COL19A1: variants seen among roughly 807,000 people sequenced by gnomAD.
The protein encoded by COL19A1 is collagen alpha-1(XIX) chain.
In COL19A1, 159 loss-of-function variants were observed where a neutral mutation model predicts 190.2. That is an observed-to-expected ratio of 0.84 (90% CI 0.73 to 0.95). COL19A1 has a LOEUF of 0.95. Ranked by LOEUF, COL19A1 falls within the 40% of genes least tolerant of loss-of-function variation. The pLI is 0.00. For synonymous variants in COL19A1, 509 were observed against 458.9 expected, an observed-to-expected ratio of 1.11 and a Z score of -1.39; for missense variants, 1,418 against 1,431.9, an observed-to-expected ratio of 0.99 and a Z score of 0.16.
At chr6:70,053,839 A>C (rs1780347214) in intron 14 of COL19A1, among the ~76,000 whole-genome samples, 1 of 152,184 alleles carries the variant, frequency 6.6e-6, no homozygotes, top group African/African-American at 2.4e-5. Flanking sequence ...TATTTAGTGC[A>C]TGTATTACCA....
chr6:70,153,453 T>C (rs1345249523), intron 31 of COL19A1, among the ~76,000 whole-genome samples: 1 of 152,144 alleles, frequency 6.6e-6, no homozygotes, highest in Non-Finnish European at 1.5e-5. Context: ...CATGAGAAAA[T>C]CTTAAGACAT....
intron 48 of COL19A1, among the ~76,000 whole-genome samples, chr6:70,195,164 A>ATAT (rs1583143535): frequency 8.9e-6 from 1 of 112,806 alleles, no homozygotes; most frequent in Non-Finnish European, 2.0e-5. Flanking sequence ...TATATATATA[A>ATAT]AGAGTTAAAA....
chr6:69,949,738 C>T (rs1774017110), intron 9 of COL19A1, among the ~76,000 whole-genome samples: 2 of 151,804 alleles, frequency 1.3e-5, no homozygotes, highest in Non-Finnish European at 2.9e-5. Flanking sequence ...GTAACTTATC[C>T]AGCATCCCCT....
At chr6:69,895,972 A>T (rs1223336146) in intron 2 of COL19A1, among the ~76,000 whole-genome samples, 1 of 151,782 alleles carries the variant, frequency 6.6e-6, no homozygotes, top group Non-Finnish European at 1.5e-5. Context: ...ATTTTTTGGT[A>T]CTCCTTTCTC....
intron 2 of COL19A1, among the ~76,000 whole-genome samples, chr6:69,883,993 A>G (rs957024582): frequency 2.0e-5 from 3 of 152,208 alleles, no homozygotes; most frequent in Non-Finnish European, 4.4e-5. Context: ...CAACATACCT[A>G]TGATTAATAC....
chr6:70,040,354 T>C (rs950942807), intron 14 of COL19A1, among the ~76,000 whole-genome samples: 24 of 152,196 alleles, frequency 1.6e-4, no homozygotes, highest in Non-Finnish European at 3.4e-4. Flanking sequence ...AAACACAGAC[T>C]GGAGTCCTAG....
chr6:69,932,664 A>C, intron 6 of COL19A1, 119 bp from the exon 7 acceptor site: 1 of 593,714 alleles, frequency 1.7e-6, no homozygotes, highest in Non-Finnish European at 3.0e-6. Flanking sequence ...TAAAATATCC[A>C]CCAGTAATTT....
intron 14 of COL19A1, among the ~76,000 whole-genome samples, 177 bp downstream of exon 14, chr6:70,036,116 A>G (rs1779340499): frequency 1.3e-5 from 2 of 152,238 alleles, no homozygotes; most frequent in African/African-American, 4.8e-5. Flanking sequence ...CAACAGTGAA[A>G]TATCTGACCC....
At chr6:69,881,304 AC>A (rs1254360473) in intron 2 of COL19A1, among the ~76,000 whole-genome samples, 1 of 151,784 alleles carries the variant, frequency 6.6e-6, no homozygotes, top group Non-Finnish European at 1.5e-5. Flanking sequence ...CATTTTATGC[AC>A]CATTTTATGC....
At position 70,211,600 on chromosome 6, in the gene COL19A1, T is replaced by C. The variant is rs915571299; in HGVS notation, c.*4326T>C. ...ATTCAAAGTGACTTAGTCCATTGAA[T>C]TGTGTTCATTTATTAGTTGGCTGGT... is the stretch of plus-strand genomic sequence containing the variant. On this transcript the variant is annotated 3_prime_UTR_variant, in exon 51 of 51. Coordinates refer to ENST00000620364, the MANE Select transcript of COL19A1 (RefSeq NM_001858.6). Among the ~76,000 whole-genome samples, 2 of 150,336 alleles carry C rather than the reference T, an allele frequency of 1.3e-5. No individual in the cohort carries two copies. Among genetic ancestry groups the C allele is most frequent in the Non-Finnish European group, 3.0e-5 (2 of 67,734 alleles).
intron 36 of COL19A1, among the ~76,000 whole-genome samples, chr6:70,164,562 CT>C: frequency 6.6e-6 from 1 of 152,244 alleles, no homozygotes; most frequent in East Asian, 1.9e-4. Context: ...CCCCACTAGC[CT>C]TTTTTCTCTG....
chr6:70,180,478 T>C lies in COL19A1; in HGVS notation c.2730T>C (p.Val910=), dbSNP rs1264514379. ...GTTTATAGGGTGAGAGAGGACCTGT[T>C]GGAGATATAGGTTTCCCTGGACCAG... ...VPGEPGERGP[V]GDIGFPGPEG... The change falls in exon 44 of 51, where the codon GTT becomes GTC. Residue 910 remains valine, a synonymous_variant. Transcript: ENST00000620364. 1 of 1,614,032 alleles carries C rather than the reference T, an allele frequency of 6.2e-7. No homozygotes were observed. The highest frequency in any genetic ancestry group is 8.5e-7 in the Non-Finnish European group (1 of 1,180,006).
intron 16 of COL19A1, among the ~76,000 whole-genome samples, chr6:70,107,966 A>G (rs973821774): frequency 2.0e-5 from 3 of 152,200 alleles, no homozygotes; most frequent in African/African-American, 7.2e-5. Context: ...TCTGAGTAGC[A>G]TAAGCAGTGG....
At chr6:70,160,813 T>C (rs1787747841) in intron 34 of COL19A1, among the ~76,000 whole-genome samples, 1 of 152,164 alleles carries the variant, frequency 6.6e-6, no homozygotes, top group Non-Finnish European at 1.5e-5. Context: ...TTCCCATCTT[T>C]TAGGAAGTAC....
intron 4 of COL19A1, among the ~76,000 whole-genome samples, chr6:69,921,356 A>AT (rs1248844320): frequency 1.1e-5 from 1 of 90,362 alleles, no homozygotes. Context: ...CATATATCAT[A>AT]ATCATATATA....
intron 14 of COL19A1, among the ~76,000 whole-genome samples, chr6:70,052,517 G>A (rs555169899): frequency 3.3e-5 from 5 of 152,214 alleles, no homozygotes; most frequent in African/African-American, 4.8e-5. Context: ...CTCTAGTCCC[G>A]GAGTATCTTT....
chr6:70,005,506 A>T (rs934087544), intron 11 of COL19A1, among the ~76,000 whole-genome samples: 1 of 152,248 alleles, frequency 6.6e-6, no homozygotes, highest in African/African-American at 2.4e-5. Flanking sequence ...AGGAGTCTGG[A>T]GAACAACAAA....
chr6:70,102,329 T>C, intron 16 of COL19A1, 107 bp downstream of exon 16: 1 of 860,136 alleles, frequency 1.2e-6, no homozygotes, highest in Non-Finnish European at 2.0e-6. Context: ...TCCTTTATTC[T>C]ACTGTTTAGA....
intron 27 of COL19A1, among the ~76,000 whole-genome samples, chr6:70,148,491 A>G (rs1388439376): frequency 6.6e-6 from 1 of 152,208 alleles, no homozygotes; most frequent in Non-Finnish European, 1.5e-5. Flanking sequence ...TCACATCCTT[A>G]TATTGAAGTT....
Sources: gnomAD v4.1 joint callset for allele counts (sites outside exome capture counted in the v4.1 genomes callset) on GRCh38, gnomAD v4.1.1 for gene constraint, MANE v1.5 for transcripts, NCBI Gene and HGNC (gene_info 2026-07-23, HGNC 2026-07-21) for gene names.